Variants in CSNK2A2IP observed in about 807,000 individuals in gnomAD.
CSNK2A2IP encodes the protein casein kinase 2 subunit alpha' interacting protein.
At chr3:88,393,547 A>T in the CSNK2A2IP span, among the ~76,000 whole-genome samples, 4 of 152,234 alleles carry the variant, frequency 2.6e-5, no homozygotes, top group Non-Finnish European at 4.4e-5. Flanking sequence ...ATATTTATGT[A>T]CTTAGGGTAA....
the CSNK2A2IP span, chr3:88,465,971 G>A: frequency 8.1e-7 from 1 of 1,231,486 alleles, no homozygotes; most frequent in East Asian, 3.2e-5. Context: ...TCTTCCTTGG[G>A]ACCCAAACGA....
the CSNK2A2IP span, among the ~76,000 whole-genome samples, chr3:88,427,679 T>C: frequency 3.9e-5 from 6 of 152,182 alleles, no homozygotes; most frequent in Non-Finnish European, 1.5e-5. Context: ...CCCCAAGCCT[T>C]GATGCCTTCA....
chr3:88,441,997 A>T, the CSNK2A2IP span, among the ~76,000 whole-genome samples: 12,686 of 152,248 alleles, frequency 0.083, 932 homozygotes, highest in Admixed American at 0.24. Flanking sequence ...GTTTTAAAAA[A>T]ATTTTATAGT....
At chr3:88,454,039 A>G in the CSNK2A2IP span, among the ~76,000 whole-genome samples, 218 of 152,174 alleles carry the variant, frequency 1.4e-3, 2 homozygotes, top group African/African-American at 5.1e-3. Context: ...GTACTATTTT[A>G]TACTCCCACC....
chr3:88,412,036 T>C, the CSNK2A2IP span, among the ~76,000 whole-genome samples: 1 of 151,822 alleles, frequency 6.6e-6, no homozygotes. Context: ...GAAAGGGTAA[T>C]ATAATATGCC....
chr3:88,360,611 T>C, the CSNK2A2IP span, among the ~76,000 whole-genome samples: 5 of 152,176 alleles, frequency 3.3e-5, no homozygotes, highest in Non-Finnish European at 7.4e-5. Flanking sequence ...TGTTTTCTTA[T>C]TCATTCAGGT....
the CSNK2A2IP span, among the ~76,000 whole-genome samples, chr3:88,455,094 T>C: frequency 3.6e-5 from 5 of 137,884 alleles, no homozygotes; most frequent in Non-Finnish European, 6.4e-5. Context: ...TAATATTCCA[T>C]TGTTTGTACA....
At chr3:88,339,486 G>A in the CSNK2A2IP span, among the ~76,000 whole-genome samples, 3 of 152,138 alleles carry the variant, frequency 2.0e-5, no homozygotes, top group Middle Eastern at 6.8e-3. Flanking sequence ...GCTATTGTGA[G>A]TAGTGCTGTA....
chr3:88,383,970 A>AT, the CSNK2A2IP span, among the ~76,000 whole-genome samples: 2 of 152,036 alleles, frequency 1.3e-5, no homozygotes, highest in Non-Finnish European at 2.9e-5. Flanking sequence ...GCTTCTTCTT[A>AT]TTCTTTAGTT....
the CSNK2A2IP span, among the ~76,000 whole-genome samples, chr3:88,370,610 C>CTT: frequency 1.9e-4 from 28 of 148,146 alleles, no homozygotes; most frequent in African/African-American, 4.7e-4. Context: ...CTCTCTCTCT[C>CTT]TCTTTCTTTC....
At chr3:88,461,615 T>G in the CSNK2A2IP span, among the ~76,000 whole-genome samples, 1 of 152,166 alleles carries the variant, frequency 6.6e-6, no homozygotes, top group Non-Finnish European at 1.5e-5. Flanking sequence ...CCAAAGGAGT[T>G]GTATCAACTT....
chr3:88,404,421 G>A, the CSNK2A2IP span, among the ~76,000 whole-genome samples: 1 of 152,142 alleles, frequency 6.6e-6, no homozygotes, highest in Non-Finnish European at 1.5e-5. Flanking sequence ...CAATATATAT[G>A]TTACATGTTA....
At chr3:88,395,401 C>T in the CSNK2A2IP span, among the ~76,000 whole-genome samples, 1 of 152,136 alleles carries the variant, frequency 6.6e-6, no homozygotes, top group African/African-American at 2.4e-5. Flanking sequence ...TTTCCAGTTA[C>T]TCCAACACCA....
chr3:88,341,989 C>T, the CSNK2A2IP span, among the ~76,000 whole-genome samples: 49 of 151,972 alleles, frequency 3.2e-4, no homozygotes, highest in African/African-American at 8.0e-4. Context: ...AGTCATGAAA[C>T]GGATCATTCC....
chr3:88,465,193 A>C, the CSNK2A2IP span: 1 of 410,808 alleles, frequency 2.4e-6, no homozygotes, highest in Non-Finnish European at 4.2e-6. Context: ...TCAATTTTGG[A>C]ATAGTCTATA....
At chr3:88,358,852 AGTTT>A in the CSNK2A2IP span, among the ~76,000 whole-genome samples, 32 of 152,080 alleles carry the variant, frequency 2.1e-4, no homozygotes, top group East Asian at 5.2e-3. Context: ...TTGTAGAATG[AGTTT>A]GAAAGTATTT....
At chr3:88,369,785 GAA>G in the CSNK2A2IP span, among the ~76,000 whole-genome samples, 4,422 of 151,958 alleles carry the variant, frequency 0.029, 118 homozygotes, top group East Asian at 0.13. Flanking sequence ...TTGGGTGGCA[GAA>G]AACAGAAGCC....
chr3:88,424,345 G>A, the CSNK2A2IP span, among the ~76,000 whole-genome samples: 1 of 152,248 alleles, frequency 6.6e-6, no homozygotes, highest in East Asian at 1.9e-4. Context: ...ATGAGCTTGA[G>A]TTAAGATCTG....
At chr3:88,339,819 A>G in the CSNK2A2IP span, among the ~76,000 whole-genome samples, 2 of 152,210 alleles carry the variant, frequency 1.3e-5, no homozygotes, top group South Asian at 4.1e-4. Flanking sequence ...AGCAGCAATT[A>G]TGGGGGTGAG....
Sources: gnomAD v4.1 joint callset for allele counts (sites outside exome capture counted in the v4.1 genomes callset) on GRCh38, gnomAD v4.1.1 for gene constraint, MANE v1.5 for transcripts, NCBI Gene and HGNC (gene_info 2026-07-23, HGNC 2026-07-21) for gene names.